Variants in MAP4 observed in about 807,000 individuals in gnomAD.
MAP4 encodes the protein microtubule associated protein 4, also known as microtubule-associated protein 4.
Under a neutral mutation model 170.2 loss-of-function variants are expected in MAP4, and 76 were observed. That is an observed-to-expected ratio of 0.45 (90% CI 0.37 to 0.54). The LOEUF (loss-of-function observed/expected upper bound fraction) is 0.54, where lower values mean the gene tolerates loss of function less well. Ranked by LOEUF, MAP4 falls within the 20% of genes least tolerant of loss-of-function variation. The pLI, the probability that MAP4 is intolerant of heterozygous loss-of-function variation, is 0.00. For synonymous variants in MAP4, 909 were observed against 994.5 expected, an observed-to-expected ratio of 0.91 and a Z score of 1.62; for missense variants, 2,506 against 2,748.0, an observed-to-expected ratio of 0.91 and a Z score of 1.97.
In MAP4 at chr3:47,987,916, C is replaced by G. The variant is rs543663884; in HGVS notation, c.224-9983G>C. On this transcript the variant is annotated intron_variant, in intron 2 of 20. Transcript: ENST00000683076. ...AACGTCTCTTTAAAAGAAGGCAGGCCGGGCACGGTGGCTCACGCCTGTAAT... is the reference window on the plus strand; with the variant it reads ...AACGTCTCTTTAAAAGAAGGCAGGCGGGGCACGGTGGCTCACGCCTGTAAT... Among the ~76,000 whole-genome samples the G allele has an allele frequency of 1.2e-4, 19 of 152,068 alleles. No individual in the cohort carries two copies. The South Asian group carries it at 3.5e-3, about 28-fold the overall frequency.
intron 10 of MAP4, among the ~76,000 whole-genome samples, chr3:47,887,640 C>G (rs1229768175): frequency 6.6e-6 from 1 of 152,234 alleles, no homozygotes; most frequent in Non-Finnish European, 1.5e-5. Flanking sequence ...AGCCCCAGTG[C>G]GAGATCCACT....
intron 1 of MAP4, among the ~76,000 whole-genome samples, chr3:48,039,656 A>C (rs2100120630): frequency 6.6e-6 from 1 of 152,252 alleles, no homozygotes; most frequent in African/African-American, 2.4e-5. Context: ...TCTGGGTAGG[A>C]GTCCAGAAAT....
At chr3:48,016,233 C>T (rs1040329087) in intron 1 of MAP4, 101 bp downstream of exon 1, 3 of 148,592 alleles carry the variant, frequency 2.0e-5, no homozygotes, top group Non-Finnish European at 4.5e-5. Flanking sequence ...TTAAGGGAGC[C>T]CTGTTCTCTG....
At chr3:47,984,429 T>G (rs978845494) in intron 2 of MAP4, among the ~76,000 whole-genome samples, 1 of 152,198 alleles carries the variant, frequency 6.6e-6, no homozygotes, top group African/African-American at 2.4e-5. Context: ...GCTATTTGCT[T>G]AGATACTAAA....
intron 12 of MAP4, 106 bp from the exon 13 acceptor site, chr3:47,872,206 C>T (rs532888905): frequency 2.5e-5 from 27 of 1,060,696 alleles, no homozygotes; most frequent in African/African-American, 2.4e-4. Context: ...TTTTTGGAGA[C>T]GAAGTCTCAC....
intron 1 of MAP4, among the ~76,000 whole-genome samples, chr3:48,055,122 G>A (rs561529050): frequency 1.3e-5 from 2 of 152,220 alleles, no homozygotes; most frequent in South Asian, 4.1e-4. Flanking sequence ...GACCACGTGG[G>A]GAACCTGGGC....
At chr3:47,936,672 AAACAG>A (rs2100053093) in intron 3 of MAP4, among the ~76,000 whole-genome samples, 1 of 152,014 alleles carries the variant, frequency 6.6e-6, no homozygotes, top group African/African-American at 2.4e-5. Flanking sequence ...TAAAGAAGGA[AAACAG>A]AACTAGAAAA....
chr3:48,085,286 G>C (rs79090677), intron 1 of MAP4, among the ~76,000 whole-genome samples: 1 of 149,342 alleles, frequency 6.7e-6, no homozygotes, highest in East Asian at 2.0e-4. Context: ...TCAGAAACAA[G>C]ATTAGGAAAG....
chr3:47,865,587 G>A (rs931204545), intron 17 of MAP4, among the ~76,000 whole-genome samples: 13 of 152,322 alleles, frequency 8.5e-5, no homozygotes, highest in Admixed American at 2.6e-4. Flanking sequence ...GGTATCTGTA[G>A]GCCATGGGCA....
At chr3:47,957,092 T>A (rs1313917786) in intron 3 of MAP4, among the ~76,000 whole-genome samples, 2 of 152,224 alleles carry the variant, frequency 1.3e-5, no homozygotes, top group African/African-American at 4.8e-5. Flanking sequence ...CTGCCTATAA[T>A]GTTTTTGGCA....
Position 47,852,819 on chromosome 3 carries a change from A to G in MAP4, c.*115T>C, listed in dbSNP as rs1338165420. On this transcript the variant is annotated 3_prime_UTR_variant, in exon 21 of 21. Transcript: ENST00000683076. ...AGTGGACAGCCCGGGAAAGGGGGCC[A>G]AGGACCCGGGAGCCCGAGTTGGGGC... is the stretch of plus-strand genomic sequence containing the variant. 14 of 1,550,888 alleles carry G rather than the reference A, an allele frequency of 9.0e-6. No individual in the cohort carries two copies. The highest frequency in any genetic ancestry group is 8.7e-7 in the Non-Finnish European group (1 of 1,147,362).
At chr3:47,876,747 T>C (rs892021211) in intron 11 of MAP4, among the ~76,000 whole-genome samples, 1 of 152,218 alleles carries the variant, frequency 6.6e-6, no homozygotes, top group Admixed American at 6.5e-5. Flanking sequence ...ACCTTCAAAA[T>C]CTGCATTCTC....
At chr3:47,861,850 CTT>C (rs1443870352) in intron 17 of MAP4, among the ~76,000 whole-genome samples, 1 of 151,376 alleles carries the variant, frequency 6.6e-6, no homozygotes, top group African/African-American at 2.4e-5. Context: ...CAGAGTGAGA[CTT>C]TGTCTCAAAA....
intron 1 of MAP4, among the ~76,000 whole-genome samples, chr3:48,078,431 A>G (rs552037479): frequency 1.3e-5 from 2 of 151,446 alleles, no homozygotes; most frequent in African/African-American, 4.9e-5. Context: ...TGCTGGGATT[A>G]CAGGCATGAG....
intron 1 of MAP4, among the ~76,000 whole-genome samples, chr3:48,076,592 T>C (rs771677587): frequency 6.6e-6 from 1 of 150,930 alleles, no homozygotes; most frequent in Non-Finnish European, 1.5e-5. Flanking sequence ...GGTGGAAGGA[T>C]AGCTTGAGCC....
At chr3:47,959,138 G>C (rs2100069761) in intron 3 of MAP4, among the ~76,000 whole-genome samples, 1 of 151,840 alleles carries the variant, frequency 6.6e-6, no homozygotes, top group African/African-American at 2.4e-5. Flanking sequence ...AAGAAAATTT[G>C]AGCATTTCAA....
intron 1 of MAP4, among the ~76,000 whole-genome samples, chr3:48,022,763 C>T (rs1486713778): frequency 2.0e-5 from 3 of 152,078 alleles, no homozygotes; most frequent in Non-Finnish European, 4.4e-5. Flanking sequence ...TGGTGGCATG[C>T]GCCTATAGTC....
intron 10 of MAP4, chr3:47,891,669 C>T: frequency 6.5e-7 from 1 of 1,536,342 alleles, no homozygotes; most frequent in Non-Finnish European, 8.7e-7. Context: ...TTCTCCAACT[C>T]CTTATCATGG....
intron 5 of MAP4, among the ~76,000 whole-genome samples, chr3:47,921,560 A>AT (rs2100042872): frequency 6.6e-6 from 1 of 152,188 alleles, no homozygotes; most frequent in Non-Finnish European, 1.5e-5. Context: ...AAGAAGCTAT[A>AT]TAAGGTGGAA....
Sources: gnomAD v4.1 joint callset for allele counts (sites outside exome capture counted in the v4.1 genomes callset) on GRCh38, gnomAD v4.1.1 for gene constraint, MANE v1.5 for transcripts, NCBI Gene and HGNC (gene_info 2026-07-23, HGNC 2026-07-21) for gene names.